Variants in KCNIP4 observed in about 807,000 individuals in gnomAD.
KCNIP4 encodes the protein Kv channel-interacting protein 4.
KCNIP4 carries 12 observed loss-of-function variants against 34.0 expected under a neutral mutation model. That is an observed-to-expected ratio of 0.35 (90% CI 0.23 to 0.57). The LOEUF is 0.57. Among genes scored for constraint, KCNIP4 ranks in the 20% least tolerant of loss-of-function variants. The probability of loss-of-function intolerance (pLI) is 0.83; values close to 1 mark genes in which losing one functional copy is unlikely to be tolerated. For synonymous variants in KCNIP4, 124 were observed against 102.2 expected, an observed-to-expected ratio of 1.21 and a Z score of -1.29; for missense variants, 238 against 311.7, an observed-to-expected ratio of 0.76 and a Z score of 1.78.
intron 1 of KCNIP4, among the ~76,000 whole-genome samples, chr4:21,867,022 C>T (rs917399700): frequency 6.6e-6 from 1 of 152,062 alleles, no homozygotes; most frequent in African/African-American, 2.4e-5. Context: ...CCAATGGCCT[C>T]GGCTTCCCAA....
At chr4:21,199,049 G>C (rs1756272962) in intron 1 of KCNIP4, among the ~76,000 whole-genome samples, 1 of 152,178 alleles carries the variant, frequency 6.6e-6, no homozygotes, top group African/African-American at 2.4e-5. Flanking sequence ...CTTTCTCTTT[G>C]TGAGGAGTAA....
intron 1 of KCNIP4, among the ~76,000 whole-genome samples, chr4:20,932,437 A>G (rs1730576038): frequency 6.9e-6 from 1 of 144,636 alleles, no homozygotes; most frequent in Non-Finnish European, 1.5e-5. Flanking sequence ...GTAGACTATA[A>G]TAGTCTATAA....
chr4:21,249,984 T>A (rs1162169014), intron 1 of KCNIP4, among the ~76,000 whole-genome samples: 1 of 152,118 alleles, frequency 6.6e-6, no homozygotes, highest in Admixed American at 6.6e-5. Context: ...GTATTTTTAA[T>A]AAGAAAGGGT....
At chr4:21,108,821 G>A (rs1417364248) in intron 1 of KCNIP4, among the ~76,000 whole-genome samples, 1 of 152,162 alleles carries the variant, frequency 6.6e-6, no homozygotes, top group Non-Finnish European at 1.5e-5. Flanking sequence ...CTGACAGACA[G>A]GACCCTCAGC....
chr4:21,057,836 G>T (rs1743555859), intron 1 of KCNIP4, among the ~76,000 whole-genome samples: 1 of 152,120 alleles, frequency 6.6e-6, no homozygotes. Context: ...AATATATGAA[G>T]ACATTGAAAA....
chr4:20,883,450 G>C (rs982329609), intron 1 of KCNIP4, among the ~76,000 whole-genome samples: 11 of 152,106 alleles, frequency 7.2e-5, no homozygotes, highest in African/African-American at 2.7e-4. Flanking sequence ...AAAATCAAAA[G>C]TGGCTGGACG....
At chr4:21,017,507 C>A (rs1337096931) in intron 1 of KCNIP4, among the ~76,000 whole-genome samples, 1 of 152,138 alleles carries the variant, frequency 6.6e-6, no homozygotes, top group African/African-American at 2.4e-5. Flanking sequence ...CATGTCCCTG[C>A]AAATAACATG....
At chr4:21,789,151 G>T (rs2109229051) in intron 1 of KCNIP4, among the ~76,000 whole-genome samples, 1 of 151,472 alleles carries the variant, frequency 6.6e-6, no homozygotes, top group African/African-American at 2.4e-5. Context: ...GCTGGTGCAG[G>T]TATTACAACT....
At chr4:21,045,046 G>T (rs1178631646) in intron 1 of KCNIP4, among the ~76,000 whole-genome samples, 2 of 152,210 alleles carry the variant, frequency 1.3e-5, no homozygotes, top group African/African-American at 4.8e-5. Context: ...ATTAAGAGAT[G>T]CATGCATTCT....
intron 1 of KCNIP4, among the ~76,000 whole-genome samples, chr4:21,494,195 A>G (rs1043376371): frequency 2.6e-5 from 4 of 152,182 alleles, no homozygotes; most frequent in Non-Finnish European, 4.4e-5. Context: ...TCAATGTTAG[A>G]AGATTTATGA....
At chr4:21,315,464 G>T (rs2109285362) in intron 1 of KCNIP4, 1 of 152,156 alleles carries the variant, frequency 6.6e-6, no homozygotes, top group East Asian at 1.9e-4. Context: ...AATAGATCAG[G>T]CTTCTGGTCA....
At chr4:21,630,097 C>G (rs1239889540) in intron 1 of KCNIP4, among the ~76,000 whole-genome samples, 1 of 150,094 alleles carries the variant, frequency 6.7e-6, no homozygotes, top group Admixed American at 6.6e-5. Flanking sequence ...CTCCTGGGCT[C>G]AAGTGATCCT....
chr4:20,898,334 G>T (rs1211857737), intron 1 of KCNIP4, among the ~76,000 whole-genome samples: 1 of 152,106 alleles, frequency 6.6e-6, no homozygotes, highest in East Asian at 1.9e-4. Context: ...TAGTCTATTA[G>T]TTCTGTTTCT....
At chr4:21,717,119 G>T (rs1714446756) in intron 1 of KCNIP4, among the ~76,000 whole-genome samples, 1 of 152,118 alleles carries the variant, frequency 6.6e-6, no homozygotes, top group South Asian at 2.1e-4. Flanking sequence ...AAATATTTTG[G>T]TTTGTTTTGG....
rs752886269 is a variant in KCNIP4, at chr4:20,837,664, A to C, written c.288+12879T>G. 5.2e-3 allele frequency among the ~76,000 whole-genome samples: 627 copies of C among 121,634 alleles called. 2 individuals are homozygous for C. Among genetic ancestry groups the C allele is most frequent in the Middle Eastern group, 8.7e-3 (2 of 230 alleles). The allele number at this position is 121,634 out of a possible 152,430, so 79.8% of individuals were successfully genotyped here. A position where few individuals can be genotyped will look rare whatever the true frequency, so the allele number is the denominator to read the frequency against. On this transcript the variant is annotated intron_variant, in intron 3 of 8. Transcript: ENST00000382152. ...AATTATTTATTGAGTTGTCAGTGCT[A>C]TATATATATATATATATATATATTT... is the stretch of plus-strand genomic sequence containing the variant.
At chr4:21,562,879 T>C (rs1739575883) in intron 1 of KCNIP4, among the ~76,000 whole-genome samples, 1 of 152,040 alleles carries the variant, frequency 6.6e-6, no homozygotes. Flanking sequence ...TACTTTCACA[T>C]TTATATTCCA....
intron 3 of KCNIP4, among the ~76,000 whole-genome samples, chr4:20,837,958 G>A (rs1214852518): frequency 6.6e-6 from 1 of 151,516 alleles, no homozygotes; most frequent in African/African-American, 2.4e-5. Context: ...TCAAAGTGCT[G>A]GTAATACAGG....
chr4:20,829,603 T>A (rs983851069), intron 3 of KCNIP4, among the ~76,000 whole-genome samples: 1 of 152,170 alleles, frequency 6.6e-6, no homozygotes, highest in African/African-American at 2.4e-5. Context: ...TTCTATAATA[T>A]ACTTTTAGTT....
chr4:21,410,668 G>C (rs542686971), intron 1 of KCNIP4, among the ~76,000 whole-genome samples: 1 of 152,286 alleles, frequency 6.6e-6, no homozygotes, highest in African/African-American at 2.4e-5. Flanking sequence ...CACCAAGCTA[G>C]AACCTCCCAG....
Sources: gnomAD v4.1 joint callset for allele counts (sites outside exome capture counted in the v4.1 genomes callset) on GRCh38, gnomAD v4.1.1 for gene constraint, MANE v1.5 for transcripts, NCBI Gene and HGNC (gene_info 2026-07-23, HGNC 2026-07-21) for gene names.